DCC: variants seen among roughly 807,000 people sequenced by gnomAD.
The protein encoded by DCC is netrin receptor DCC.
In DCC, 58 loss-of-function variants were observed where a neutral mutation model predicts 172.5. The observed-to-expected ratio is 0.34, with a 90% CI of 0.27 to 0.42. The LOEUF (loss-of-function observed/expected upper bound fraction) is 0.42, where lower values mean the gene tolerates loss of function less well. Ranked by LOEUF, DCC falls within the 10% of genes least tolerant of loss-of-function variation. The pLI is 1.00. For synonymous variants in DCC, 709 were observed against 644.5 expected (o/e 1.10, Z -1.52); for missense variants, 1,740 against 1,791.0 (o/e 0.97, Z 0.51).
At chr18:52,624,057 A>G (rs2034528301) in intron 1 of DCC, among the ~76,000 whole-genome samples, 1 of 152,176 alleles carries the variant, frequency 6.6e-6, no homozygotes, top group South Asian at 2.1e-4. Context: ...TTCAACTTCA[A>G]GGGCACATAA....
chr18:52,808,474 A>G (rs1268655940), intron 2 of DCC, among the ~76,000 whole-genome samples: 1 of 151,906 alleles, frequency 6.6e-6, no homozygotes, highest in Non-Finnish European at 1.5e-5. Flanking sequence ...AAATCTTGTC[A>G]TGAAAAACAA....
intron 12 of DCC, among the ~76,000 whole-genome samples, chr18:53,269,724 A>C (rs2056726513): frequency 6.6e-6 from 1 of 152,146 alleles, no homozygotes. Flanking sequence ...ACTGAGGCAA[A>C]GAAATGTTAA....
intron 5 of DCC, among the ~76,000 whole-genome samples, chr18:53,011,359 T>C (rs1039932110): frequency 1.3e-5 from 2 of 151,862 alleles, no homozygotes; most frequent in African/African-American, 2.4e-5. Context: ...TGAAAAAATA[T>C]AACCCCATAT....
intron 1 of DCC, among the ~76,000 whole-genome samples, chr18:52,375,323 A>G (rs997448344): frequency 2.6e-5 from 4 of 152,212 alleles, no homozygotes; most frequent in African/African-American, 9.6e-5. Context: ...TAACACTCAC[A>G]CACACACACA....
At chr18:53,319,220 CCA>C (rs1568053523) in intron 13 of DCC, among the ~76,000 whole-genome samples, 1 of 152,078 alleles carries the variant, frequency 6.6e-6, no homozygotes, top group Non-Finnish European at 1.5e-5. Context: ...GGCAAAATAA[CCA>C]GCTAGCATCA....
At chr18:52,545,429 T>C (rs2032583649) in intron 1 of DCC, among the ~76,000 whole-genome samples, 1 of 152,204 alleles carries the variant, frequency 6.6e-6, no homozygotes, top group Non-Finnish European at 1.5e-5. Context: ...AATCATAGTG[T>C]AACTTTTTTG....
chr18:52,548,159 A>T (rs1478119683), intron 1 of DCC, among the ~76,000 whole-genome samples: 1 of 152,110 alleles, frequency 6.6e-6, no homozygotes, highest in Non-Finnish European at 1.5e-5. Flanking sequence ...TTCCTTTTAC[A>T]ACATTGGACT....
At chr18:53,005,058 C>T (rs747577869) in intron 5 of DCC, among the ~76,000 whole-genome samples, 6 of 152,116 alleles carry the variant, frequency 3.9e-5, no homozygotes, top group Non-Finnish European at 8.8e-5. Context: ...CTCTCTTGCC[C>T]TTCCACTTTT....
At chr18:53,143,746 C>T (rs1370472762) in intron 7 of DCC, among the ~76,000 whole-genome samples, 6 of 152,272 alleles carry the variant, frequency 3.9e-5, no homozygotes, top group Admixed American at 6.5e-5. Context: ...TTTCAGGAAG[C>T]GTGGCATCAA....
intron 1 of DCC, among the ~76,000 whole-genome samples, chr18:52,512,831 A>T (rs953134711): frequency 6.6e-6 from 1 of 152,226 alleles, no homozygotes; most frequent in Non-Finnish European, 1.5e-5. Flanking sequence ...TCCACATCTC[A>T]TTAGATGTGG....
intron 8 of DCC, among the ~76,000 whole-genome samples, chr18:53,166,346 C>T (rs1251573720): frequency 1.3e-5 from 2 of 151,916 alleles, no homozygotes; most frequent in Admixed American, 6.6e-5. Context: ...CCCCAAGGGC[C>T]GTGGAAATAG....
At chr18:52,883,755 G>A (rs529256696) in intron 2 of DCC, among the ~76,000 whole-genome samples, 12 of 151,998 alleles carry the variant, frequency 7.9e-5, no homozygotes, top group East Asian at 1.9e-4. Context: ...CAATTACAGC[G>A]TTATAATATC....
At chr18:53,404,636 C>T (rs1044465831) in intron 19 of DCC, among the ~76,000 whole-genome samples, 65 of 151,992 alleles carry the variant, frequency 4.3e-4, no homozygotes, top group Admixed American at 3.3e-3. Context: ...GAGGCTGAGG[C>T]AGGAGAATAG....
chr18:52,513,755 A>G (rs1427281053), intron 1 of DCC, among the ~76,000 whole-genome samples: 1 of 152,080 alleles, frequency 6.6e-6, no homozygotes, highest in Non-Finnish European at 1.5e-5. Flanking sequence ...ACCCAAAGCT[A>G]TTTATGGGCC....
At chr18:53,127,215 C>T (rs1176153139) in intron 7 of DCC, among the ~76,000 whole-genome samples, 5 of 149,628 alleles carry the variant, frequency 3.3e-5, no homozygotes, top group African/African-American at 7.4e-5. Context: ...TTATGTTGCC[C>T]GGTCTGGTCT....
At chr18:53,065,902 C>T (rs959651050) in intron 6 of DCC, 144 bp from the exon 7 acceptor site, 18 of 910,884 alleles carry the variant, frequency 2.0e-5, no homozygotes, top group Admixed American at 9.3e-5. Context: ...GCATAGGACA[C>T]GTCTGCGAGG....
At chr18:53,256,345 G>A (rs151283120) in intron 12 of DCC, among the ~76,000 whole-genome samples, 1 of 152,250 alleles carries the variant, frequency 6.6e-6, no homozygotes, top group African/African-American at 2.4e-5. Flanking sequence ...TATGGTTTTA[G>A]GTCTAACATG....
At chr18:52,713,287 T>C (rs1194786330) in intron 1 of DCC, among the ~76,000 whole-genome samples, 1 of 152,202 alleles carries the variant, frequency 6.6e-6, no homozygotes, top group Non-Finnish European at 1.5e-5. Context: ...ATGCAGACTG[T>C]GCAAAACAAG....
At chr18:52,381,152 G>C (rs1985567385) in intron 1 of DCC, among the ~76,000 whole-genome samples, 1 of 151,772 alleles carries the variant, frequency 6.6e-6, no homozygotes, top group African/African-American at 2.4e-5. Flanking sequence ...GCCTCATTAA[G>C]AAAAAAAATC....
Sources: allele counts gnomAD v4.1 joint callset (sites outside exome capture counted in the v4.1 genomes callset), GRCh38; gene constraint gnomAD v4.1.1; transcripts MANE v1.5; gene names NCBI Gene and HGNC (gene_info 2026-07-23, HGNC 2026-07-21).